The following NIN variants were observed in gnomAD, a reference collection of about 807,000 sequenced individuals.
The protein encoded by NIN is glycogen synthase kinase 3 beta-interacting protein.
In NIN, 137 loss-of-function variants were observed where a neutral mutation model predicts 257.6. The observed-to-expected ratio is 0.53, with a 90% CI of 0.46 to 0.61. The LOEUF is 0.61. NIN is among the 20% of genes least tolerant of loss of function. The pLI, the probability that NIN is intolerant of heterozygous loss-of-function variation, is 0.00. For missense variants in NIN, 2,439 were observed against 2,501.2 expected (o/e 0.98, Z 0.53); for synonymous variants, 918 against 919.8 (o/e 1.00, Z 0.04).
At chr14:50,796,189 A>G (rs981599474) in intron 4 of NIN, among the ~76,000 whole-genome samples, 3 of 152,178 alleles carry the variant, frequency 2.0e-5, no homozygotes, top group African/African-American at 7.2e-5. Flanking sequence ...GCTTCAAAGG[A>G]AAGCAGACAA....
Position 50,772,392 on chromosome 14 carries a change from CAGG to C in NIN, c.887_889del (p.Ser296del). 2 of 1,614,148 alleles carry C rather than the reference CAGG, an allele frequency of 1.2e-6. No individual in the cohort carries two copies. Among genetic ancestry groups the C allele is most frequent in the African/African-American group, 1.3e-5 (1 of 75,046 alleles). On this transcript the variant is annotated inframe_deletion, in exon 9 of 31. Coordinates refer to ENST00000530997, the MANE Select transcript of NIN (RefSeq NM_020921.4). ...TGCATGGCCCATCCCATCATCCAGG[CAGG>C]AGAAGACCCGAAAGCCAATGGTACT...
At chr14:50,765,483 A>C (rs879904760) in intron 14 of NIN, among the ~76,000 whole-genome samples, 1 of 152,342 alleles carries the variant, frequency 6.6e-6, no homozygotes, top group South Asian at 2.1e-4. Flanking sequence ...TCTCTGCACA[A>C]TTAAACTTTT....
At chr14:50,734,089 T>TA (rs1315088255) in intron 28 of NIN, among the ~76,000 whole-genome samples, 5 of 149,518 alleles carry the variant, frequency 3.3e-5, no homozygotes, top group African/African-American at 1.2e-4. Context: ...CTTCTTTATT[T>TA]TTTTTTTTTT....
rs1318229571 is a variant in NIN at position 50,727,495 on chromosome 14, A to ATCTGTCATT, written c.6079-1438_6079-1430dup. 12 of 1,196,676 alleles carry ATCTGTCATT rather than the reference A, an allele frequency of 1.0e-5. No homozygotes were observed. In the African/African-American group the frequency reaches 1.9e-4, roughly 19 times the overall value. 74.1% of individuals were successfully genotyped at this position (1,196,676 alleles called of 1,614,324 possible). ...GATGTTTGTGAATTTGATTCACAAG[A>ATCTGTCATT]TCTGTCATTTCTACATAAATAAATA... On this transcript the variant is annotated intron_variant, in intron 29 of 30. Coordinates refer to ENST00000530997, the MANE Select transcript of NIN (RefSeq NM_020921.4).
At chr14:50,765,564 A>C (rs1193475033) in intron 14 of NIN, among the ~76,000 whole-genome samples, 2 of 152,090 alleles carry the variant, frequency 1.3e-5, no homozygotes, top group Non-Finnish European at 2.9e-5. Flanking sequence ...TTAAGAAAAA[A>C]ATTCAAATTC....
At chr14:50,785,127 G>A (rs1367656566) in intron 5 of NIN, among the ~76,000 whole-genome samples, 1 of 152,260 alleles carries the variant, frequency 6.6e-6, no homozygotes, top group Non-Finnish European at 1.5e-5. Flanking sequence ...CTGGACAAGG[G>A]TGCCCTGCAC....
intron 4 of NIN, chr14:50,805,895 C>A (rs758342765): frequency 6.6e-6 from 1 of 152,110 alleles, no homozygotes; most frequent in Non-Finnish European, 1.5e-5. Flanking sequence ...CAACTCCTGC[C>A]CCTACCCCAA....
intron 5 of NIN, among the ~76,000 whole-genome samples, chr14:50,781,955 C>T (rs1255253931): frequency 2.0e-5 from 3 of 151,318 alleles, no homozygotes; most frequent in Non-Finnish European, 2.9e-5. Context: ...CCAAGTCTTC[C>T]CAGCAGAGAA....
At chr14:50,762,020 T>C in intron 15 of NIN, 109 bp from the exon 16 acceptor site, 3 of 1,172,144 alleles carry the variant, frequency 2.6e-6, no homozygotes, top group South Asian at 1.4e-5. Flanking sequence ...TCAGCCTGAA[T>C]TACCAGAGAT....
chr14:50,821,582 G>C (rs2045223082), intron 3 of NIN, among the ~76,000 whole-genome samples: 1 of 152,092 alleles, frequency 6.6e-6, no homozygotes, highest in Non-Finnish European at 1.5e-5. Context: ...GATGAATGTG[G>C]AGTCAATAAA....
chr14:50,794,841 G>A (rs2043767092), intron 4 of NIN, among the ~76,000 whole-genome samples: 1 of 151,910 alleles, frequency 6.6e-6, no homozygotes, highest in South Asian at 2.1e-4. Context: ...AAACCTACCG[G>A]TGGATGAAAT....
intron 28 of NIN, among the ~76,000 whole-genome samples, chr14:50,732,716 TTTGTTTTTTTG>T (rs1432299253): frequency 2.9e-5 from 3 of 104,490 alleles, no homozygotes; most frequent in Non-Finnish European, 6.0e-5. Flanking sequence ...ACTGTTTTTG[TTTGTTTTTTTG>T]TTTTTTGGGT....
In NIN at chr14:50,739,486, C is replaced by G; in HGVS notation, c.5450G>C (p.Ser1817Thr). 3 of 1,614,002 alleles carry G rather than the reference C, an allele frequency of 1.9e-6. No individual in the cohort carries two copies. Among genetic ancestry groups the G allele is most frequent in the Non-Finnish European group, 2.5e-6 (3 of 1,179,966 alleles). The change falls in exon 26 of 31, where the codon AGC (serine) becomes ACC (threonine). Residue 1817 changes from serine to threonine, a missense_variant and splice_region_variant. By Grantham distance (58) the Ser-to-Thr change is moderately conservative. This residue lies in a region of NIN where 2,043 missense variants were observed against 2,050.2 expected (regional missense o/e 1.00). Transcript: ENST00000530997. ...ATGAGTAGCTATCTCTGGGGCCCAG[C>G]TCTTAAGAGAATTGCAGAGTGTAAG... ...HKQLQNAGGKSWAPEIATHPS... is the reference protein window; with the variant it reads ...HKQLQNAGGKTWAPEIATHPS...
intron 29 of NIN, 51 bp from the exon 30 acceptor site, chr14:50,726,117 C>T: frequency 7.0e-7 from 1 of 1,420,504 alleles, no homozygotes; most frequent in Non-Finnish European, 9.8e-7. Context: ...ACTGAAAACA[C>T]TGGTTTATTT....
rs374160186 is a variant in NIN, at chr14:50,786,113, G to A, written c.435+6599C>T. Reference sequence around the variant, plus strand: ...GGTACTGCTGGTCCAAGGAAATGCTGAATTTAAGAGTTTGGGCCTTAAGCC... The same window carrying A: ...GGTACTGCTGGTCCAAGGAAATGCTAAATTTAAGAGTTTGGGCCTTAAGCC... On this transcript the variant is annotated intron_variant, in intron 5 of 30. Coordinates refer to ENST00000530997, the MANE Select transcript of NIN (RefSeq NM_020921.4). Among the ~76,000 whole-genome samples the A allele has an allele frequency of 8.9e-4, 136 of 152,294 alleles. 1 individual carries two copies. The South Asian group carries it at 0.027, about 30-fold the overall frequency.
chr14:50,785,040 C>T (rs1402407103), intron 5 of NIN, among the ~76,000 whole-genome samples: 1 of 152,242 alleles, frequency 6.6e-6, no homozygotes, highest in African/African-American at 2.4e-5. Context: ...AAAAGGAGTC[C>T]CCCCAAACCC....
At chr14:50,798,102 C>T (rs1032373637) in intron 4 of NIN, among the ~76,000 whole-genome samples, 1 of 152,166 alleles carries the variant, frequency 6.6e-6, no homozygotes, top group African/African-American at 2.4e-5. Context: ...CTTCCCAGTG[C>T]ACTCCCTGCC....
At chr14:50,761,661 T>C (rs2042279335) in intron 16 of NIN, 129 bp downstream of exon 16, 1 of 1,009,722 alleles carries the variant, frequency 9.9e-7, no homozygotes, top group Non-Finnish European at 1.5e-6. Flanking sequence ...TACAAAACCA[T>C]CCTGAGGATG....
At chr14:50,809,554 T>A (rs2044486073) in intron 3 of NIN, among the ~76,000 whole-genome samples, 1 of 152,210 alleles carries the variant, frequency 6.6e-6, no homozygotes, top group African/African-American at 2.4e-5. Context: ...TTCAGATTCT[T>A]TAACTTGACT....
Sources: allele counts gnomAD v4.1 joint callset (sites outside exome capture counted in the v4.1 genomes callset), GRCh38; gene constraint gnomAD v4.1.1; regional missense constraint gnomAD v4.1.1; transcripts MANE v1.5; gene names NCBI Gene and HGNC (gene_info 2026-07-23, HGNC 2026-07-21).